Variants in TNFRSF11B observed in about 807,000 individuals in gnomAD.
TNFRSF11B encodes TNF receptor superfamily member 11b.
Under a neutral mutation model 43.4 loss-of-function variants are expected in TNFRSF11B, and 16 were observed. That is an observed-to-expected ratio of 0.37 (90% CI 0.25 to 0.56). The LOEUF (loss-of-function observed/expected upper bound fraction) is 0.56. Ranked by LOEUF, TNFRSF11B falls within the 20% of genes least tolerant of loss-of-function variation. TNFRSF11B has a pLI of 0.80. For missense variants in TNFRSF11B, 444 were observed against 490.1 expected (o/e 0.91, Z 0.89); for synonymous variants, 185 against 181.8 (o/e 1.02, Z -0.14).
intron 1 of TNFRSF11B, among the ~76,000 whole-genome samples, chr8:118,943,619 T>C (rs1240482587): frequency 1.3e-5 from 2 of 152,192 alleles, no homozygotes; most frequent in East Asian, 3.9e-4. Context: ...GAGATAGAGA[T>C]ACTAATCTCT....
chr8:118,927,885 G>A (rs1328539549), intron 3 of TNFRSF11B, among the ~76,000 whole-genome samples: 5 of 152,086 alleles, frequency 3.3e-5, no homozygotes, highest in Admixed American at 6.5e-5. Flanking sequence ...GAATGCATTC[G>A]AATAACCTGA....
Position 118,951,850 on chromosome 8 carries a change from G to A in TNFRSF11B, c.-29C>T. The stretch of plus-strand genomic sequence containing the variant: ...GGTCCCCGGAAACCTCAGGGGCTTG[G>A]AGGCGGCGGCTGGGCGAGCGCTCCG... On this transcript the variant is annotated 5_prime_UTR_variant, in exon 1 of 5. Transcript: ENST00000297350. 1.9e-6 allele frequency: 3 copies of A among 1,576,388 alleles called. No individual in the cohort carries two copies. Among genetic ancestry groups the A allele is most frequent in the Non-Finnish European group, 2.6e-6 (3 of 1,160,684 alleles).
rs747478054 is a variant in TNFRSF11B, at chr8:118,924,589, A to T, written c.991T>A (p.Leu331Met). 6.2e-7 allele frequency: 1 copy of T among 1,614,094 alleles called. No individual in the cohort carries two copies. The highest frequency in any genetic ancestry group is 8.5e-7 in the Non-Finnish European group (1 of 1,180,028). ...TGGTCGCCATTTTTTATTCGCCACA[A>T]ACTGAGCAGCTTCAGGATCTGGTCA... Reference protein sequence around the residue: ...PSDQILKLLSLWRIKNGDQDT... With the variant: ...PSDQILKLLSMWRIKNGDQDT... Residue 331 changes from leucine (L) to methionine (M), a missense_variant, in exon 5 of 5, where the codon TTG (leucine) becomes ATG (methionine). By Grantham distance (15) the Leu-to-Met change is conservative (BLOSUM62 2). Transcript: ENST00000297350.
At position 118,944,039 on chromosome 8, in the gene TNFRSF11B, G is replaced by T. The variant is rs76678933; in HGVS notation, c.30+7753C>A. ...AGGAGTTGAAGAATCTAAAATCACA[G>T]ATTTAGTCTTTTGGGGTTTGTAAAT... On this transcript the variant is annotated intron_variant, in intron 1 of 4. Transcript: ENST00000297350. Among the ~76,000 whole-genome samples, 1,059 of 152,240 alleles carry T rather than the reference G, an allele frequency of 7.0e-3. 8 individuals carry two copies. The highest frequency in any genetic ancestry group is 0.024 in the African/African-American group (1,001 of 41,554).
chr8:118,951,682 G>A, intron 1 of TNFRSF11B, 110 bp downstream of exon 1: 1 of 1,080,976 alleles, frequency 9.3e-7, no homozygotes, highest in Non-Finnish European at 1.4e-6. Context: ...GCCTCTCCTG[G>A]GAGGGAGCGA....
chr8:118,935,586 C>A (rs1003762718), intron 1 of TNFRSF11B, among the ~76,000 whole-genome samples: 1 of 151,872 alleles, frequency 6.6e-6, no homozygotes, highest in African/African-American at 2.4e-5. Context: ...ATAATTAATT[C>A]TCCTATAATA....
intron 1 of TNFRSF11B, among the ~76,000 whole-genome samples, chr8:118,934,322 A>G (rs1343265699): frequency 6.6e-6 from 1 of 152,192 alleles, no homozygotes; most frequent in African/African-American, 2.4e-5. Context: ...AGATTCCTCG[A>G]ATGTAAGGTT....
chr8:118,925,651 C>T (rs561268942), intron 4 of TNFRSF11B, among the ~76,000 whole-genome samples: 1 of 152,322 alleles, frequency 6.6e-6, no homozygotes, highest in African/African-American at 2.4e-5. Flanking sequence ...CAAGACTATA[C>T]AGTCATTTAA....
At chr8:118,945,160 G>T (rs1417949589) in intron 1 of TNFRSF11B, among the ~76,000 whole-genome samples, 1 of 152,048 alleles carries the variant, frequency 6.6e-6, no homozygotes, top group Non-Finnish European at 1.5e-5. Flanking sequence ...AACCAATGGG[G>T]CAGAATAAAC....
chr8:118,939,897 T>G (rs1210897230), intron 1 of TNFRSF11B, among the ~76,000 whole-genome samples: 3 of 152,230 alleles, frequency 2.0e-5, no homozygotes, highest in Non-Finnish European at 4.4e-5. Flanking sequence ...TATAAATATT[T>G]GGTGAGCTAG....
At chr8:118,939,697 G>C (rs1812453242) in intron 1 of TNFRSF11B, among the ~76,000 whole-genome samples, 1 of 152,164 alleles carries the variant, frequency 6.6e-6, no homozygotes, top group Non-Finnish European at 1.5e-5. Flanking sequence ...TTCTATATGA[G>C]ACTCAAGTGA....
At position 118,924,431 on chromosome 8, in the gene TNFRSF11B, C is replaced by A. The variant is rs1242196238; in HGVS notation, c.1149G>T (p.Lys383Asn). The change falls in exon 5 of 5, where the codon AAG (lysine) becomes AAT (asparagine). Residue 383 changes from lysine to asparagine, a missense_variant. Physicochemically the swap from Lys to Asn is moderately conservative, Grantham distance 94. Transcript: ENST00000297350. ...HSFTMYKLYQ[K>N]LFLEMIGNQV... ...GGTTACCTATCATTTCTAAAAATAA[C>A]TTCTGATACAATTTGTACATTGTGA... The A allele has an allele frequency of 6.2e-7, 1 of 1,614,126 alleles. No individual in the cohort carries two copies. Among genetic ancestry groups the A allele is most frequent in the East Asian group, 2.2e-5 (1 of 44,890 alleles).
At chr8:118,948,155 T>C (rs1027739104) in intron 1 of TNFRSF11B, among the ~76,000 whole-genome samples, 2 of 152,190 alleles carry the variant, frequency 1.3e-5, no homozygotes, top group Non-Finnish European at 2.9e-5. Context: ...ACAAATATCC[T>C]GATAATTTTG....
chr8:118,932,896 G>T (rs752491803), intron 2 of TNFRSF11B, 35 bp downstream of exon 2: 1 of 1,613,130 alleles, frequency 6.2e-7, no homozygotes, highest in Non-Finnish European at 8.5e-7. Flanking sequence ...GACTTTGCAT[G>T]ATCCTAATTA....
chr8:118,951,872 T>G lies in TNFRSF11B; in HGVS notation c.-51A>C. On this transcript the variant is annotated 5_prime_UTR_variant, in exon 1 of 5. Coordinates refer to ENST00000297350, the MANE Select transcript of TNFRSF11B (RefSeq NM_002546.4). ...TTGGAGGCGGCGGCTGGGCGAGCGC[T>G]CCGGTGCGTCTCCGCAGCCCGTGCG... 6.6e-7 allele frequency: 1 copy of G among 1,521,996 alleles called. No homozygotes were observed. Among genetic ancestry groups the G allele is most frequent in the South Asian group, 1.2e-5 (1 of 83,918 alleles). 94.3% of individuals were successfully genotyped at this position (1,521,996 alleles called of 1,614,324 possible).
Position 118,938,795 on chromosome 8 carries a change from G to T in TNFRSF11B, c.31-5495C>A, listed in dbSNP as rs1333412728. 2.6e-5 allele frequency among the ~76,000 whole-genome samples: 4 copies of T among 152,308 alleles called. No homozygotes were observed. The East Asian group carries it at 7.7e-4, about 29-fold the overall frequency. On this transcript the variant is annotated intron_variant, in intron 1 of 4. Coordinates refer to ENST00000297350, the MANE Select transcript of TNFRSF11B (RefSeq NM_002546.4). ...TGACTAGAGAATTCTACTGGTGTAT[G>T]CATCTTCCTAAAAAACAAAAGAATA...
intron 1 of TNFRSF11B, among the ~76,000 whole-genome samples, chr8:118,936,942 T>C (rs1041398744): frequency 4.6e-5 from 7 of 152,240 alleles, no homozygotes; most frequent in Middle Eastern, 3.2e-3. Context: ...CCTATCATTT[T>C]GTATAGACCA....
chr8:118,928,918 G>C lies in TNFRSF11B; in HGVS notation c.412C>G (p.Arg138Gly). The C allele has an allele frequency of 6.2e-7, 1 of 1,614,062 alleles. No individual in the cohort carries two copies. The highest frequency in any genetic ancestry group is 8.5e-7 in the Non-Finnish European group (1 of 1,179,992). ...FGVVQAGTPE[R>G]NTVCKRCPDG... ...GGACATCTTTTGCAAACTGTATTTC[G>C]CTCTGGGGTTCCTACAGAAAATACC... The change falls in exon 3 of 5, where the codon CGA becomes GGA. Residue 138 changes from arginine to glycine, a missense_variant. Coordinates refer to ENST00000297350, the MANE Select transcript of TNFRSF11B (RefSeq NM_002546.4).
chr8:118,935,445 TAAGTG>T (rs1812390957), intron 1 of TNFRSF11B, among the ~76,000 whole-genome samples: 1 of 152,126 alleles, frequency 6.6e-6, no homozygotes, highest in Admixed American at 6.6e-5. Context: ...CAGACAATAA[TAAGTG>T]AAGAAATAAT....
Sources: gnomAD v4.1 joint callset for allele counts (sites outside exome capture counted in the v4.1 genomes callset) on GRCh38, gnomAD v4.1.1 for gene constraint, MANE v1.5 for transcripts, NCBI Gene and HGNC (gene_info 2026-07-23, HGNC 2026-07-21) for gene names.